GK5: variants seen among roughly 807,000 people sequenced by gnomAD.
GK5 encodes glycerol kinase 5.
A neutral mutation model predicts 77.3 loss-of-function variants in GK5; 39 were observed. The observed-to-expected ratio is 0.50, with a 90% CI of 0.39 to 0.66. The LOEUF (loss-of-function observed/expected upper bound fraction) is 0.66. Among genes scored for constraint, GK5 ranks in the 30% least tolerant of loss-of-function variants. The probability of loss-of-function intolerance (pLI) is 0.00; values close to 1 mark genes in which losing one functional copy is unlikely to be tolerated. For synonymous variants in GK5, 211 were observed against 208.0 expected (o/e 1.01, Z -0.13); for missense variants, 487 against 633.8 (o/e 0.77, Z 2.49).
chr3:142,215,543 A>T, intron 2 of GK5, 56 bp downstream of exon 2: 1 of 894,800 alleles, frequency 1.1e-6, no homozygotes, highest in South Asian at 1.6e-5. Flanking sequence ...GCCTGAGGAA[A>T]ACTATTACAA....
chr3:142,184,956 G>C (rs150816922), intron 9 of GK5: 1 of 985,228 alleles, frequency 1.0e-6, no homozygotes, highest in Non-Finnish European at 1.2e-6. Flanking sequence ...GAATAAGACC[G>C]ATCCTCTCTA....
intron 10 of GK5, among the ~76,000 whole-genome samples, chr3:142,182,191 G>GT (rs1402927360): frequency 3.3e-5 from 5 of 152,046 alleles, no homozygotes; most frequent in Admixed American, 1.3e-4. Context: ...AGATTTCTTG[G>GT]TCTGTAAATC....
chr3:142,184,904 TC>T (rs966794632), intron 9 of GK5: 1 of 985,208 alleles, frequency 1.0e-6, no homozygotes, highest in African/African-American at 1.7e-5. Flanking sequence ...TGGTAACTCT[TC>T]CAGCCATACC....
At chr3:142,190,171 T>A (rs1347244526) in intron 5 of GK5, among the ~76,000 whole-genome samples, 1 of 152,080 alleles carries the variant, frequency 6.6e-6, no homozygotes, top group Non-Finnish European at 1.5e-5. Flanking sequence ...GAGTGAATAA[T>A]AGATTGGAAG....
At position 142,177,516 on chromosome 3, in the gene GK5, C is replaced by T. The variant is rs1162721464; in HGVS notation, c.1109G>A (p.Gly370Glu). 9.3e-6 allele frequency: 15 copies of T among 1,612,088 alleles called. No individual in the cohort carries two copies. Among genetic ancestry groups the T allele is most frequent in the African/African-American group, 1.3e-5 (1 of 74,860 alleles). The change falls in exon 12 of 16, where the codon GGA (glycine) becomes GAA (glutamate). Residue 370 changes from glycine to glutamate, a missense_variant. Around this residue, in one of 4 missense-constraint regions of GK5, gnomAD observed 323 missense variants for 437.4 expected, o/e 0.74. Coordinates refer to ENST00000392993, the MANE Select transcript of GK5 (RefSeq NM_001039547.3). ...KMAKSLEDSE[G>E]VCFVPSFSGL... is the part of the protein sequence containing the mutation. ...ACTAAAAGATGGAACAAAACAAACT[C>T]CTTCAGAATCCTCCAAACTTTTGGC...
chr3:142,197,948 G>C (rs967870908), intron 5 of GK5, among the ~76,000 whole-genome samples: 1 of 151,824 alleles, frequency 6.6e-6, no homozygotes, highest in Non-Finnish European at 1.5e-5. Context: ...GCTTGAACCT[G>C]GGAGGCAGAG....
intron 9 of GK5, 36 bp downstream of exon 9, chr3:142,185,893 A>G (rs2063763563): frequency 6.4e-7 from 1 of 1,571,144 alleles, no homozygotes; most frequent in Admixed American, 1.8e-5. Flanking sequence ...TTTAGTTTAT[A>G]CTATACAAAG....
intron 1 of GK5, among the ~76,000 whole-genome samples, chr3:142,222,314 C>T (rs574437522): frequency 6.6e-6 from 1 of 152,224 alleles, no homozygotes; most frequent in South Asian, 2.1e-4. Flanking sequence ...GCCTGTAATC[C>T]CAGCACTTTG....
Position 142,161,001 on chromosome 3 carries a change from G to A in GK5, c.*4621C>T, listed in dbSNP as rs1418275740. Reference sequence around the variant, plus strand: ...GCCTCCCAAAGTGCTGGGATTACAGGCATGAGCCACTGTACTTGGCCAAAA... The same window carrying A: ...GCCTCCCAAAGTGCTGGGATTACAGACATGAGCCACTGTACTTGGCCAAAA... On this transcript the variant is annotated 3_prime_UTR_variant, in exon 16 of 16. Transcript: ENST00000392993. 1 of 151,988 alleles carries A rather than the reference G, an allele frequency of 6.6e-6. No individual in the cohort carries two copies. Among genetic ancestry groups the A allele is most frequent in the African/African-American group, 2.4e-5 (1 of 41,368 alleles). The allele number at this position is 151,988 out of a possible 1,614,324, so 9.4% of individuals were successfully genotyped here. A position where few individuals can be genotyped will look rare whatever the true frequency, so the allele number is the denominator to read the frequency against.
intron 3 of GK5, among the ~76,000 whole-genome samples, chr3:142,212,049 A>G (rs1237803898): frequency 6.6e-6 from 1 of 152,220 alleles, no homozygotes; most frequent in Non-Finnish European, 1.5e-5. Flanking sequence ...TTCCTGCCCA[A>G]TACTGAATTA....
rs187924807 is a variant in GK5 at position 142,179,049 on chromosome 3, T to G, written c.1049-1473A>C. Among the ~76,000 whole-genome samples, 210 of 152,358 alleles carry G rather than the reference T, an allele frequency of 1.4e-3. 1 individual carries two copies. Among genetic ancestry groups the G allele is most frequent in the African/African-American group, 4.9e-3 (203 of 41,584 alleles). ...CTTTTCACTGGCCATTTGGATATCC[T>G]TGTTTGTAAAGTGACTTCTGAATGA... On this transcript the variant is annotated intron_variant, in intron 11 of 15. Coordinates refer to ENST00000392993, the MANE Select transcript of GK5 (RefSeq NM_001039547.3).
intron 11 of GK5, among the ~76,000 whole-genome samples, chr3:142,179,215 T>C (rs1356197333): frequency 6.6e-6 from 1 of 152,212 alleles, no homozygotes; most frequent in East Asian, 1.9e-4. Flanking sequence ...TTAAATTCAC[T>C]AAAGACATTT....
intron 13 of GK5, among the ~76,000 whole-genome samples, chr3:142,172,100 T>A (rs1011448789): frequency 1.3e-5 from 2 of 152,114 alleles, no homozygotes; most frequent in Non-Finnish European, 2.9e-5. Context: ...CTTAAGAAAT[T>A]GAATTTTTTA....
rs114186296 is a variant in GK5, at chr3:142,206,767, C to A, written c.318-1979G>T. 5.1e-3 allele frequency among the ~76,000 whole-genome samples: 776 copies of A among 152,302 alleles called. 13 individuals carry two copies. Among genetic ancestry groups the A allele is most frequent in the African/African-American group, 0.018 (752 of 41,552 alleles). ...TCTGAGGGATTATCTAATCTCAACCCTATTCAATGGGTAAAATCTTTGGGA... is the reference window on the plus strand; with the variant it reads ...TCTGAGGGATTATCTAATCTCAACCATATTCAATGGGTAAAATCTTTGGGA... On this transcript the variant is annotated intron_variant, in intron 3 of 15. Coordinates refer to ENST00000392993, the MANE Select transcript of GK5 (RefSeq NM_001039547.3).
At position 142,165,635 on chromosome 3, in the gene GK5, T is replaced by C. The variant is rs1229018839; in HGVS notation, c.1577A>G (p.Tyr526Cys). The change falls in exon 16 of 16, where the codon TAT becomes TGT. Residue 526 changes from tyrosine to cysteine, a missense_variant. Transcript: ENST00000392993. ...TTTCATTTAGTGTTATGTCTTGTTATACCAATTCATGGAGCGTTTCACTGC... is the reference window on the plus strand; with the variant it reads ...TTTCATTTAGTGTTATGTCTTGTTACACCAATTCATGGAGCGTTTCACTGC... Reference protein sequence around the residue: ...AKAVKRSMNWYNKT With the variant: ...AKAVKRSMNWCNKT The C allele has an allele frequency of 1.2e-6, 2 of 1,610,704 alleles. No individual in the cohort carries two copies. The highest frequency in any genetic ancestry group is 1.7e-5 in the Admixed American group (1 of 59,082).
At chr3:142,203,661 C>A (rs1260155708) in intron 4 of GK5, among the ~76,000 whole-genome samples, 1 of 152,118 alleles carries the variant, frequency 6.6e-6, no homozygotes, top group Non-Finnish European at 1.5e-5. Flanking sequence ...GTAGTCCCAG[C>A]TACTTGGGAG....
At chr3:142,225,179 G>C in intron 1 of GK5, 130 bp downstream of exon 1, 1 of 1,020,824 alleles carries the variant, frequency 9.8e-7, no homozygotes, top group Non-Finnish European at 1.3e-6. Context: ...CTGGCCCCAG[G>C]GCCCGCGGGT....
At chr3:142,178,613 CT>C (rs2063653613) in intron 11 of GK5, among the ~76,000 whole-genome samples, 1 of 152,152 alleles carries the variant, frequency 6.6e-6, no homozygotes, top group African/African-American at 2.4e-5. Flanking sequence ...TCATTCTCAC[CT>C]CTATATAGTA....
At chr3:142,222,635 C>CAGTA (rs1388012643) in intron 1 of GK5, among the ~76,000 whole-genome samples, 1 of 151,782 alleles carries the variant, frequency 6.6e-6, no homozygotes, top group Non-Finnish European at 1.5e-5. Flanking sequence ...AGTCCTAGTG[C>CAGTA]AGTAACTCGT....
Sources: allele counts gnomAD v4.1 joint callset (sites outside exome capture counted in the v4.1 genomes callset), GRCh38; gene constraint gnomAD v4.1.1; regional missense constraint gnomAD v4.1.1; transcripts MANE v1.5; gene names NCBI Gene and HGNC (gene_info 2026-07-23, HGNC 2026-07-21).